The following PDE10A variants were observed in gnomAD, a reference collection of about 807,000 sequenced individuals.
The protein encoded by PDE10A is cAMP and cAMP-inhibited cGMP 3',5'-cyclic phosphodiesterase 10A.
PDE10A carries 39 observed loss-of-function variants against 97.7 expected under a neutral mutation model. That is an observed-to-expected ratio of 0.40 (90% CI 0.31 to 0.52). The LOEUF (loss-of-function observed/expected upper bound fraction) is 0.52, where lower values mean the gene tolerates loss of function less well. PDE10A is among the 20% of genes least tolerant of loss of function. The probability of loss-of-function intolerance (pLI) is 0.56; values close to 1 mark genes in which losing one functional copy is unlikely to be tolerated. For synonymous variants in PDE10A, 371 were observed against 376.8 expected (o/e 0.98, Z 0.18); for missense variants, 731 against 1,047.8 (o/e 0.70, Z 4.17).
At chr6:165,897,975 C>T (rs1171439580) in intron 1 of PDE10A, among the ~76,000 whole-genome samples, 4 of 151,972 alleles carry the variant, frequency 2.6e-5, no homozygotes, top group African/African-American at 7.3e-5. Flanking sequence ...GTGCCCCGTG[C>T]GGTCCTTTGC....
chr6:165,683,005 G>A (rs1348291834), intron 1 of PDE10A, among the ~76,000 whole-genome samples: 2 of 152,198 alleles, frequency 1.3e-5, no homozygotes, highest in African/African-American at 4.8e-5. Flanking sequence ...CCACCGGAAT[G>A]TAAAAGTGCG....
intron 1 of PDE10A, among the ~76,000 whole-genome samples, chr6:165,831,234 T>C (rs1299556329): frequency 6.6e-6 from 1 of 150,950 alleles, no homozygotes; most frequent in Non-Finnish European, 1.5e-5. Flanking sequence ...TAGCCTGGCG[T>C]GGTGGTAGGC....
In PDE10A at chr6:165,517,922, C is replaced by T. The variant is rs145195736; in HGVS notation, c.994+25518G>A. On this transcript the variant is annotated intron_variant, in intron 2 of 21. Transcript: ENST00000539869. ...TCATTTTGTGAGTGATTCCATGTGTCCGGTGCTAATCCTTACATCATTCCT... is the reference window on the plus strand; with the variant it reads ...TCATTTTGTGAGTGATTCCATGTGTTCGGTGCTAATCCTTACATCATTCCT... Among the ~76,000 whole-genome samples the T allele has an allele frequency of 6.7e-4, 102 of 152,192 alleles. 1 individual carries two copies. Among genetic ancestry groups the T allele is most frequent in the African/African-American group, 2.4e-3 (98 of 41,518 alleles).
intron 2 of PDE10A, among the ~76,000 whole-genome samples, chr6:165,509,433 T>C (rs777420446): frequency 6.6e-6 from 1 of 152,028 alleles, no homozygotes; most frequent in Non-Finnish European, 1.5e-5. Context: ...TCTGTTCCAT[T>C]GTATAATTTG....
At chr6:165,462,478 C>CTCCA (rs2128260502) in intron 3 of PDE10A, among the ~76,000 whole-genome samples, 1 of 152,300 alleles carries the variant, frequency 6.6e-6, no homozygotes, top group East Asian at 1.9e-4. Context: ...GCTTGTGCTT[C>CTCCA]TCCAGGACCA....
At chr6:165,720,992 G>T (rs962179323) in intron 1 of PDE10A, among the ~76,000 whole-genome samples, 11 of 152,310 alleles carry the variant, frequency 7.2e-5, no homozygotes, top group African/African-American at 2.6e-4. Context: ...TGTTGAGGAC[G>T]TATGGAAAGT....
chr6:165,570,095 A>G (rs1418219533), intron 1 of PDE10A, among the ~76,000 whole-genome samples: 1 of 152,150 alleles, frequency 6.6e-6, no homozygotes, highest in East Asian at 1.9e-4. Context: ...TGGAGAAGGG[A>G]CCTTTAAGAA....
At chr6:165,882,543 C>A (rs901709086) in intron 1 of PDE10A, among the ~76,000 whole-genome samples, 1 of 152,170 alleles carries the variant, frequency 6.6e-6, no homozygotes, top group Non-Finnish European at 1.5e-5. Flanking sequence ...TTTCCACCTG[C>A]ATTTTTATTT....
chr6:165,406,228 ATGTGTGTGTGTGTG>A (rs3839483), intron 13 of PDE10A, among the ~76,000 whole-genome samples: 3 of 140,424 alleles, frequency 2.1e-5, no homozygotes, highest in Admixed American at 7.1e-5. Context: ...AGGGAAAAGG[ATGTGTGTGTGTGTG>A]TGTGTGTGTG....
upstream of PDE10A, among the ~76,000 whole-genome samples, chr6:165,667,529 A>T (rs1025659843): frequency 1.3e-5 from 2 of 152,086 alleles, no homozygotes; most frequent in Non-Finnish European, 2.9e-5. Flanking sequence ...TAAATTGTAA[A>T]TAAAATTAGT....
At chr6:165,681,779 G>T (rs1214133626) in intron 1 of PDE10A, among the ~76,000 whole-genome samples, 2 of 152,156 alleles carry the variant, frequency 1.3e-5, no homozygotes, top group African/African-American at 2.4e-5. Context: ...GAATGGGTTG[G>T]TTTTACAAAC....
chr6:165,896,521 ATTTTTTT>A (rs35509574), intron 1 of PDE10A, among the ~76,000 whole-genome samples: 9 of 105,782 alleles, frequency 8.5e-5, no homozygotes, highest in African/African-American at 3.5e-4. Flanking sequence ...ACGCCAGCTA[ATTTTTTT>A]TTTTTTTTTT....
At chr6:165,955,036 GA>G (rs1346600113) in intron 1 of PDE10A, among the ~76,000 whole-genome samples, 1 of 152,054 alleles carries the variant, frequency 6.6e-6, no homozygotes, top group Non-Finnish European at 1.5e-5. Context: ...CCCAGGTTGG[GA>G]CCTGGCCATT....
In PDE10A at chr6:165,450,344, G is replaced by C. The variant is rs759930744; in HGVS notation, c.1042C>G (p.Gln348Glu). The part of the protein sequence containing the change: ...EVSRYQDTNM[Q>E]GVVYELNSYI... The stretch of plus-strand genomic sequence containing the variant: ...CTGTTTAGTTCATATACAACTCCCT[G>C]CATATTCGTATCTTGGTACTTTGGA... The change falls in exon 4 of 22, where the codon CAG (glutamine) becomes GAG (glutamate). Residue 348 changes from glutamine to glutamate, a missense_variant. Transcript: ENST00000539869. 3 of 1,542,308 alleles carry C rather than the reference G, an allele frequency of 1.9e-6. No homozygotes were observed. The highest frequency in any genetic ancestry group is 4.5e-5 in the East Asian group (2 of 44,192).
intron 1 of PDE10A, among the ~76,000 whole-genome samples, chr6:165,800,936 C>G (rs1021982980): frequency 9.2e-5 from 14 of 152,188 alleles, no homozygotes. Flanking sequence ...CGAAACAGAG[C>G]TTGGACTAGG....
In PDE10A at chr6:165,490,179, T is replaced by C. The variant is rs558404248; in HGVS notation, c.995-7836A>G. Among the ~76,000 whole-genome samples, 10 of 152,228 alleles carry C rather than the reference T, an allele frequency of 6.6e-5. No homozygotes were observed. In the South Asian group the frequency reaches 1.9e-3, roughly 28 times the overall value. On this transcript the variant is annotated intron_variant, in intron 2 of 21. Coordinates refer to ENST00000539869, the MANE Select transcript of PDE10A (RefSeq NM_001385079.1). ...ACAGTCAAGATGAAGGAAAGAATCG[T>C]AAGAGCTGTGAGGCAAGAGCAGCAG...
At chr6:165,840,233 C>A in intron 1 of PDE10A, among the ~76,000 whole-genome samples, 1 of 150,648 alleles carries the variant, frequency 6.6e-6, no homozygotes, top group East Asian at 2.0e-4. Flanking sequence ...ACATGCCTGT[C>A]TTCATCCCCA....
intron 1 of PDE10A, among the ~76,000 whole-genome samples, chr6:165,576,928 C>T (rs538161550): frequency 5.3e-5 from 8 of 152,354 alleles, no homozygotes; most frequent in African/African-American, 1.9e-4. Context: ...CATGGTAATG[C>T]TCTCCTTCCC....
intron 3 of PDE10A, among the ~76,000 whole-genome samples, chr6:165,453,992 C>G (rs111233950): frequency 0.014 from 2,081 of 152,328 alleles, 57 homozygotes; most frequent in African/African-American, 0.048. Context: ...GCCTAGGGAG[C>G]CTAACCCCAA....
Sources: allele counts gnomAD v4.1 joint callset (sites outside exome capture counted in the v4.1 genomes callset), GRCh38; gene constraint gnomAD v4.1.1; transcripts MANE v1.5; gene names NCBI Gene and HGNC (gene_info 2026-07-23, HGNC 2026-07-21).